KCNU1: variants seen among roughly 807,000 people sequenced by gnomAD.
KCNU1 encodes potassium calcium-activated channel subfamily U member 1.
A neutral mutation model predicts 126.8 loss-of-function variants in KCNU1; 93 were observed. The ratio of observed to expected loss-of-function variants is 0.73; its 90% CI spans 0.62 to 0.87. The LOEUF (loss-of-function observed/expected upper bound fraction) is 0.87. Ranked by LOEUF, KCNU1 falls within the 40% of genes least tolerant of loss-of-function variation. The pLI, the probability that KCNU1 is intolerant of heterozygous loss-of-function variation, is 0.00. For synonymous variants in KCNU1, 523 were observed against 494.2 expected (o/e 1.06, Z -0.77); for missense variants, 1,330 against 1,367.1 (o/e 0.97, Z 0.43).
At chr8:36,813,039 C>G (rs1435672089) in intron 7 of KCNU1, among the ~76,000 whole-genome samples, 3 of 152,108 alleles carry the variant, frequency 2.0e-5, no homozygotes, top group African/African-American at 7.2e-5. Context: ...TGATTTAAAT[C>G]TGTGTGACTT....
chr8:36,933,221 T>A (rs1391994828), intron 26 of KCNU1, among the ~76,000 whole-genome samples, 189 bp downstream of exon 26: 1 of 152,014 alleles, frequency 6.6e-6, no homozygotes. Context: ...ATAATTAGGG[T>A]CCTATTAATA....
intron 18 of KCNU1, among the ~76,000 whole-genome samples, chr8:36,859,542 A>G (rs1302085627): frequency 6.6e-6 from 1 of 152,190 alleles, no homozygotes; most frequent in Admixed American, 6.5e-5. Flanking sequence ...TTGGGTTCTC[A>G]GTGTAATCAT....
chr8:36,822,775 C>A (rs1048836085), intron 10 of KCNU1, among the ~76,000 whole-genome samples: 4 of 152,136 alleles, frequency 2.6e-5, no homozygotes, highest in African/African-American at 9.7e-5. Context: ...GGCTTAGAGA[C>A]TACACAGCAA....
intron 10 of KCNU1, among the ~76,000 whole-genome samples, chr8:36,826,064 A>G (rs981201587): frequency 6.6e-6 from 1 of 152,064 alleles, no homozygotes; most frequent in South Asian, 2.1e-4. Flanking sequence ...CTCAGTTATT[A>G]TAATTATTTC....
intron 18 of KCNU1, among the ~76,000 whole-genome samples, chr8:36,857,368 A>G (rs1448546669): frequency 6.6e-6 from 1 of 152,162 alleles, no homozygotes. Context: ...TGGGAAGGGG[A>G]TGAGAAATAC....
intron 3 of KCNU1, among the ~76,000 whole-genome samples, chr8:36,804,680 T>A (rs573432097): frequency 9.9e-5 from 15 of 152,242 alleles, no homozygotes; most frequent in Admixed American, 4.6e-4. Context: ...CTAGCTAAAA[T>A]GGAATTGGGA....
Position 36,849,730 on chromosome 8 carries a change from T to G in KCNU1, c.1891+3831T>G, listed in dbSNP as rs943062090. ...ATTTTGTTATACATTTATCTATTGATGGACATTTGGGTGGTTTCCACCCTT... is the reference window on the plus strand; with the variant it reads ...ATTTTGTTATACATTTATCTATTGAGGGACATTTGGGTGGTTTCCACCCTT... On this transcript the variant is annotated intron_variant, in intron 18 of 26. Transcript: ENST00000399881. Among the ~76,000 whole-genome samples, 4 of 152,252 alleles carry G rather than the reference T, an allele frequency of 2.6e-5. 1 individual carries two copies. Among genetic ancestry groups the G allele is most frequent in the Admixed American group, 6.5e-5 (1 of 15,284 alleles).
chr8:36,796,518 T>A (rs973149775), intron 2 of KCNU1, among the ~76,000 whole-genome samples: 2 of 152,218 alleles, frequency 1.3e-5, no homozygotes, highest in African/African-American at 4.8e-5. Context: ...TTGAAAGATA[T>A]ATTCTTATAC....
At chr8:36,851,106 C>A (rs1003085502) in intron 18 of KCNU1, among the ~76,000 whole-genome samples, 25 of 152,194 alleles carry the variant, frequency 1.6e-4, no homozygotes, top group African/African-American at 6.0e-4. Flanking sequence ...ATGTTAATTT[C>A]TGCAAGGAAA....
Position 36,807,365 on chromosome 8 carries a change from T to G in KCNU1, c.581-10T>G. On this transcript the variant is annotated splice_polypyrimidine_tract_variant and intron_variant, in intron 5 of 26. Coordinates refer to ENST00000399881, the MANE Select transcript of KCNU1 (RefSeq NM_001031836.3). ...ATTTTGGCAGCTTTCTCCTTTCCAT[T>G]GGTTTGTAGGTTTAAGGTTCCTAAG... The G allele has an allele frequency of 6.2e-7, 1 of 1,611,012 alleles. No individual in the cohort carries two copies. Among genetic ancestry groups the G allele is most frequent in the Non-Finnish European group, 8.5e-7 (1 of 1,177,366 alleles).
chr8:36,880,427 T>C (rs1806433648), intron 19 of KCNU1, among the ~76,000 whole-genome samples: 1 of 152,186 alleles, frequency 6.6e-6, no homozygotes, highest in Non-Finnish European at 1.5e-5. Flanking sequence ...GCATTATTTT[T>C]CAAGTTTTTA....
intron 18 of KCNU1, among the ~76,000 whole-genome samples, chr8:36,847,049 G>A (rs985049287): frequency 1.3e-5 from 2 of 152,046 alleles, no homozygotes; most frequent in African/African-American, 4.8e-5. Flanking sequence ...ATTAACTTTG[G>A]TCTGTAATTG....
At chr8:36,827,786 C>A (rs1410891511) in intron 10 of KCNU1, among the ~76,000 whole-genome samples, 1 of 152,078 alleles carries the variant, frequency 6.6e-6, no homozygotes, top group Non-Finnish European at 1.5e-5. Context: ...AAGTTTCACT[C>A]ATAAGGACTG....
intron 18 of KCNU1, among the ~76,000 whole-genome samples, chr8:36,849,244 T>G (rs1353758260): frequency 6.6e-6 from 1 of 152,192 alleles, no homozygotes; most frequent in East Asian, 1.9e-4. Context: ...CTATAGTTTG[T>G]GGCTTGTTGT....
intron 7 of KCNU1, among the ~76,000 whole-genome samples, chr8:36,812,940 G>A (rs1488432369): frequency 6.6e-6 from 1 of 152,162 alleles, no homozygotes; most frequent in African/African-American, 2.4e-5. Flanking sequence ...TACATGTTGT[G>A]CAGGGATAAT....
intron 10 of KCNU1, 62 bp from the exon 11 acceptor site, chr8:36,833,492 C>A (rs1804630030): frequency 5.3e-6 from 5 of 942,974 alleles, no homozygotes; most frequent in South Asian, 1.3e-5. Flanking sequence ...GTTATAAAAA[C>A]CTCTAAACCC....
Position 36,931,051 on chromosome 8 carries a change from G to T in KCNU1, c.2837G>T (p.Gly946Val), listed in dbSNP as rs1808686811. The T allele has an allele frequency of 6.2e-7, 1 of 1,611,948 alleles. No homozygotes were observed. The highest frequency in any genetic ancestry group is 8.5e-7 in the Non-Finnish European group (1 of 1,178,852). ...EQHLDKDKVY[G>V]VADSCTSLLS... Reference sequence around the variant, plus strand: ...CATTTAGATAAGGATAAAGTCTATGGTGTGGCAGATAGCTGCACGTCGCTC... The same window carrying T: ...CATTTAGATAAGGATAAAGTCTATGTTGTGGCAGATAGCTGCACGTCGCTC... Residue 946 changes from glycine (G) to valine (V), a missense_variant, in exon 25 of 27, where the codon GGT becomes GTT. Gly to Val is a moderately radical substitution (Grantham distance 109). Transcript: ENST00000399881.
intron 19 of KCNU1, among the ~76,000 whole-genome samples, chr8:36,865,568 C>A (rs1418229908): frequency 6.7e-6 from 1 of 149,938 alleles, no homozygotes; most frequent in East Asian, 2.0e-4. Context: ...GAGTTTAAGA[C>A]CAGCCTGGGG....
chr8:36,878,490 G>A lies in KCNU1; in HGVS notation c.2009+13969G>A, dbSNP rs1178625974. Among the ~76,000 whole-genome samples, 3 of 152,136 alleles carry A rather than the reference G, an allele frequency of 2.0e-5. No homozygotes were observed. In the East Asian group the frequency reaches 5.8e-4, roughly 29 times the overall value. ...TCATATCCCTGCTCACAAACTAGGT[G>A]ACTAGCTTCTCAGTTTCCCAGTTTC... On this transcript the variant is annotated intron_variant, in intron 19 of 26. Transcript: ENST00000399881.
Sources: allele counts gnomAD v4.1 joint callset (sites outside exome capture counted in the v4.1 genomes callset), GRCh38; gene constraint gnomAD v4.1.1; transcripts MANE v1.5; gene names NCBI Gene and HGNC (gene_info 2026-07-23, HGNC 2026-07-21).